The following PRKG1 variants were observed in gnomAD, a reference collection of about 807,000 sequenced individuals.
The protein encoded by PRKG1 is cGMP-dependent protein kinase 1.
Under a neutral mutation model 88.1 loss-of-function variants are expected in PRKG1, and 35 were observed. That is an observed-to-expected ratio of 0.40 (90% confidence interval 0.30 to 0.53). The LOEUF (loss-of-function observed/expected upper bound fraction) is 0.53, where lower values mean the gene tolerates loss of function less well. Ranked by LOEUF, PRKG1 falls within the 20% of genes least tolerant of loss-of-function variation. The probability of loss-of-function intolerance (pLI) is 0.59; values close to 1 mark genes in which losing one functional copy is unlikely to be tolerated. For missense variants in PRKG1, 540 were observed against 839.8 expected (o/e 0.64, Z 4.41); for synonymous variants, 303 against 292.5 (o/e 1.04, Z -0.37).
chr10:51,063,626 A>G (rs147151101), intron 1 of PRKG1, among the ~76,000 whole-genome samples: 1 of 152,332 alleles, frequency 6.6e-6, no homozygotes, highest in East Asian at 1.9e-4. Context: ...GCATGACTGT[A>G]CGTTAATAAG....
chr10:51,501,245 A>G (rs1841015731), intron 3 of PRKG1, among the ~76,000 whole-genome samples: 1 of 152,144 alleles, frequency 6.6e-6, no homozygotes, highest in Admixed American at 6.6e-5. Context: ...CTAGACTGGA[A>G]TTATTTCTAG....
intron 2 of PRKG1, among the ~76,000 whole-genome samples, chr10:51,376,740 T>C (rs1462490952): frequency 6.6e-6 from 1 of 152,166 alleles, no homozygotes; most frequent in East Asian, 1.9e-4. Context: ...AAGGGTGCGA[T>C]CTCGGCTCAC....
At chr10:51,440,201 AT>A (rs34652760) in intron 2 of PRKG1, among the ~76,000 whole-genome samples, 6,070 of 150,150 alleles carry the variant, frequency 0.04, 134 homozygotes, top group African/African-American at 0.066. Context: ...GTGCAGTTTG[AT>A]TTTTTTTTTA....
intron 5 of PRKG1, among the ~76,000 whole-genome samples, chr10:51,999,819 T>A (rs1844547527): frequency 6.6e-6 from 1 of 152,082 alleles, no homozygotes; most frequent in Admixed American, 6.6e-5. Flanking sequence ...TTTTAAGGGA[T>A]CATGAGATAA....
intron 3 of PRKG1, among the ~76,000 whole-genome samples, chr10:51,675,410 T>A (rs868609980): frequency 6.6e-6 from 1 of 152,254 alleles, no homozygotes; most frequent in South Asian, 2.1e-4. Context: ...CAAAAGGATA[T>A]AAAATTGCAA....
intron 5 of PRKG1, among the ~76,000 whole-genome samples, chr10:51,930,427 G>GA (rs11392574): frequency 0.044 from 6,541 of 147,318 alleles, 474 homozygotes; most frequent in African/African-American, 0.15. Context: ...CAATTAATTA[G>GA]AAAAAAAGAA....
At chr10:52,201,013 C>T (rs1454207867) in intron 9 of PRKG1, among the ~76,000 whole-genome samples, 1 of 152,116 alleles carries the variant, frequency 6.6e-6, no homozygotes, top group Non-Finnish European at 1.5e-5. Context: ...TATCTGTTTA[C>T]TCTATTGATA....
intron 5 of PRKG1, among the ~76,000 whole-genome samples, chr10:51,970,831 G>GAT (rs59493582): frequency 0.13 from 17,862 of 136,560 alleles, 1,526 homozygotes; most frequent in East Asian, 0.31. Flanking sequence ...ATATATATGT[G>GAT]ATATATATAT....
chr10:51,644,891 G>A lies in PRKG1; in HGVS notation c.593-159694G>A, dbSNP rs551735399. Among the ~76,000 whole-genome samples the A allele has an allele frequency of 5.3e-5, 8 of 152,188 alleles. No homozygotes were observed. The East Asian group carries it at 7.8e-4, about 15-fold the overall frequency. The stretch of plus-strand genomic sequence containing the variant: ...ACCTCTCTGCCTTCTGGGTTCAAGC[G>A]ATTCTCCCACCTCAGCCTCCAGAGT... On this transcript the variant is annotated intron_variant, in intron 3 of 17. Coordinates refer to ENST00000373980, the MANE Select transcript of PRKG1 (RefSeq NM_006258.4).
At chr10:51,413,762 A>G (rs1261376071) in intron 2 of PRKG1, among the ~76,000 whole-genome samples, 1 of 152,234 alleles carries the variant, frequency 6.6e-6, no homozygotes, top group African/African-American at 2.4e-5. Context: ...GAAAAGGAAT[A>G]AAGACAATAT....
chr10:51,736,531 T>A (rs978807056), intron 3 of PRKG1, among the ~76,000 whole-genome samples: 3 of 152,142 alleles, frequency 2.0e-5, no homozygotes, highest in Non-Finnish European at 4.4e-5. Context: ...ATTTAGATTT[T>A]ACCACTGACA....
chr10:51,530,126 T>A lies in PRKG1; in HGVS notation c.592+62290T>A, dbSNP rs1341558741. 2.0e-5 allele frequency among the ~76,000 whole-genome samples: 3 copies of A among 152,200 alleles called. No individual in the cohort carries two copies. In the East Asian group the frequency reaches 5.8e-4, roughly 29 times the overall value. The stretch of plus-strand genomic sequence containing the variant: ...TAGAATCATAGCATTTTTCTATAGT[T>A]TGCATAAGAAAAAATTTAAGCTTTA... On this transcript the variant is annotated intron_variant, in intron 3 of 17. Coordinates refer to ENST00000373980, the MANE Select transcript of PRKG1 (RefSeq NM_006258.4).
intron 10 of PRKG1, among the ~76,000 whole-genome samples, chr10:52,264,789 A>C (rs761314971): frequency 6.6e-6 from 1 of 152,042 alleles, no homozygotes; most frequent in Non-Finnish European, 1.5e-5. Context: ...GTGTTCTTTG[A>C]AAGTTAGCAA....
chr10:51,757,055 T>A (rs541508898), intron 3 of PRKG1, among the ~76,000 whole-genome samples: 12 of 151,532 alleles, frequency 7.9e-5, no homozygotes, highest in South Asian at 4.2e-4. Flanking sequence ...TTCATTTTAT[T>A]TTATTTTTTT....
intron 3 of PRKG1, among the ~76,000 whole-genome samples, chr10:51,567,377 A>C (rs761728603): frequency 1.3e-5 from 2 of 152,062 alleles, no homozygotes; most frequent in African/African-American, 4.8e-5. Flanking sequence ...CTGCCTTCCT[A>C]GACACTTTTC....
intron 7 of PRKG1, among the ~76,000 whole-genome samples, chr10:52,113,604 T>C (rs572293702): frequency 6.6e-6 from 1 of 152,260 alleles, no homozygotes; most frequent in South Asian, 2.1e-4. Flanking sequence ...GACTGTGTCC[T>C]GTTCTACAGG....
At chr10:51,549,115 C>CTTTTTTTTTTTTTTTTT (rs1842514509) in intron 3 of PRKG1, among the ~76,000 whole-genome samples, 2 of 79,308 alleles carry the variant, frequency 2.5e-5, no homozygotes, top group African/African-American at 4.7e-5. Context: ...TCTTTCTTTT[C>CTTTTTTTTTTTTTTTTT]TTTTCTTTTT....
At chr10:52,118,443 A>G (rs1246498202) in intron 7 of PRKG1, among the ~76,000 whole-genome samples, 1 of 151,962 alleles carries the variant, frequency 6.6e-6, no homozygotes. Context: ...TTCAATGTAC[A>G]TATATGTGTT....
At chr10:51,138,978 G>A (rs1483210538) in intron 1 of PRKG1, among the ~76,000 whole-genome samples, 2 of 151,954 alleles carry the variant, frequency 1.3e-5, no homozygotes, top group East Asian at 1.9e-4. Context: ...CACTCCGCCC[G>A]GCCACATTTT....
Sources: gnomAD v4.1 joint callset for allele counts (sites outside exome capture counted in the v4.1 genomes callset) on GRCh38, gnomAD v4.1.1 for gene constraint, MANE v1.5 for transcripts, NCBI Gene and HGNC (gene_info 2026-07-23, HGNC 2026-07-21) for gene names.